Variants in PLPPR1 observed in about 807,000 individuals in gnomAD.
PLPPR1 encodes phospholipid phosphatase related 1.
PLPPR1 carries 10 observed loss-of-function variants against 33.1 expected under a neutral mutation model. The observed-to-expected ratio is 0.30, with a 90% CI of 0.19 to 0.51. The LOEUF is 0.51. Ranked by LOEUF, PLPPR1 falls within the 20% of genes least tolerant of loss-of-function variation. PLPPR1 has a pLI of 0.97. For synonymous variants in PLPPR1, 151 were observed against 151.0 expected (o/e 1.00, Z 0.00); for missense variants, 304 against 408.1 (o/e 0.74, Z 2.20).
intron 2 of PLPPR1, among the ~76,000 whole-genome samples, chr9:101,206,637 C>T (rs1365110269): frequency 1.3e-5 from 2 of 152,174 alleles, no homozygotes; most frequent in African/African-American, 4.8e-5. Flanking sequence ...AGCAGAGTCT[C>T]TTCTTGAAAA....
intron 2 of PLPPR1, among the ~76,000 whole-genome samples, chr9:101,264,585 G>A (rs758284705): frequency 1.3e-5 from 2 of 152,184 alleles, no homozygotes; most frequent in Non-Finnish European, 2.9e-5. Context: ...AATTACATGG[G>A]GTTGGAGAGC....
chr9:101,298,349 G>T (rs1252083372), intron 4 of PLPPR1, among the ~76,000 whole-genome samples: 1 of 152,160 alleles, frequency 6.6e-6, no homozygotes, highest in African/African-American at 2.4e-5. Flanking sequence ...AGACTAAAAA[G>T]TGCCATGGTA....
At chr9:101,294,179 T>C (rs1176004802) in intron 4 of PLPPR1, among the ~76,000 whole-genome samples, 12 of 151,996 alleles carry the variant, frequency 7.9e-5, no homozygotes, top group African/African-American at 2.7e-4. Context: ...AACACCTCTA[T>C]GCAAATAAAC....
intron 2 of PLPPR1, 127 bp downstream of exon 2, chr9:101,185,684 G>A: frequency 1.0e-5 from 6 of 590,704 alleles, no homozygotes; most frequent in Non-Finnish European, 1.2e-5. Context: ...CACAAATATT[G>A]GTAAAGATTA....
chr9:101,241,308 C>G (rs1233796297), intron 2 of PLPPR1, among the ~76,000 whole-genome samples: 1 of 151,980 alleles, frequency 6.6e-6, no homozygotes, highest in East Asian at 1.9e-4. Context: ...CTCAGTTGTA[C>G]AGAAATGGCT....
At chr9:101,087,326 G>A (rs560823113) in intron 1 of PLPPR1, among the ~76,000 whole-genome samples, 2 of 152,092 alleles carry the variant, frequency 1.3e-5, no homozygotes, top group Admixed American at 6.5e-5. Context: ...AATTGAATAT[G>A]TACTTTAATG....
At position 101,043,010 on chromosome 9, in the gene PLPPR1, G is replaced by A. The variant is rs547571188; in HGVS notation, c.-46+13908G>A. On this transcript the variant is annotated intron_variant, in intron 1 of 7. Transcript: ENST00000374874. ...TGATGACTTTGGTTTGCCCATCACC[G>A]GAGCAGTTACACAGAACCCAATTGG... Among the ~76,000 whole-genome samples the A allele has an allele frequency of 1.4e-4, 22 of 152,090 alleles. 1 individual carries two copies. Among genetic ancestry groups the A allele is most frequent in the Middle Eastern group, 3.4e-3 (1 of 294 alleles).
At chr9:101,301,522 A>G (rs1828751988) in intron 4 of PLPPR1, among the ~76,000 whole-genome samples, 2 of 152,216 alleles carry the variant, frequency 1.3e-5, no homozygotes, top group Non-Finnish European at 2.9e-5. Flanking sequence ...CTTTAATAAA[A>G]TCTTTTCTTA....
chr9:101,250,441 A>G (rs182546587), intron 2 of PLPPR1, among the ~76,000 whole-genome samples: 2 of 152,194 alleles, frequency 1.3e-5, no homozygotes, highest in Admixed American at 1.3e-4. Flanking sequence ...AGTTGTCTGA[A>G]TAGTACCTTC....
intron 6 of PLPPR1, 76 bp from the exon 7 acceptor site, chr9:101,317,289 G>C: frequency 1.3e-6 from 2 of 1,487,264 alleles, no homozygotes; most frequent in East Asian, 2.3e-5. Context: ...CAAGGGGAAA[G>C]GCCTGCCACC....
intron 1 of PLPPR1, among the ~76,000 whole-genome samples, chr9:101,078,965 C>T (rs1406600106): frequency 1.3e-5 from 2 of 152,104 alleles, no homozygotes; most frequent in African/African-American, 4.8e-5. Context: ...GGGTCTTACC[C>T]TTTCATGTAT....
At chr9:101,097,646 A>T (rs1439353967) in intron 1 of PLPPR1, among the ~76,000 whole-genome samples, 1 of 152,164 alleles carries the variant, frequency 6.6e-6, no homozygotes, top group Admixed American at 6.5e-5. Context: ...CATACAAATA[A>T]TTACCATACA....
intron 4 of PLPPR1, among the ~76,000 whole-genome samples, chr9:101,303,236 T>C (rs112000786): frequency 0.17 from 25,865 of 151,972 alleles, 3,039 homozygotes; most frequent in African/African-American, 0.33. Context: ...CACCCACCTC[T>C]GCCTCCCAAA....
intron 2 of PLPPR1, among the ~76,000 whole-genome samples, chr9:101,191,352 T>C (rs12346223): frequency 0.14 from 20,613 of 152,104 alleles, 1,591 homozygotes; most frequent in East Asian, 0.28. Context: ...TAAACATACC[T>C]CAAAAATTAA....
At chr9:101,298,943 C>T (rs1181723746) in intron 4 of PLPPR1, among the ~76,000 whole-genome samples, 1 of 152,098 alleles carries the variant, frequency 6.6e-6, no homozygotes, top group East Asian at 1.9e-4. Context: ...CAGGACAGAG[C>T]AATCAAGACA....
chr9:101,286,163 T>G lies in PLPPR1; in HGVS notation c.312T>G (p.Ala104=), dbSNP rs746122164. The G allele has an allele frequency of 3.6e-5, 58 of 1,613,296 alleles. No individual in the cohort carries two copies. The highest frequency in any genetic ancestry group is 4.7e-5 in the Non-Finnish European group (56 of 1,179,388). The change falls in exon 4 of 8, where the codon GCT becomes GCG. Residue 104 remains alanine, a synonymous_variant. Coordinates refer to ENST00000374874, the MANE Select transcript of PLPPR1 (RefSeq NM_207299.2). ...FIKSTRESLI[A]QEKTILTGEC... ...AATCAACAAGAGAATCCCTGATTGC[T>G]CAGGAGAAAACAATTCTGACCGGAG...
At chr9:101,257,028 T>C (rs771804264) in intron 2 of PLPPR1, among the ~76,000 whole-genome samples, 5 of 152,096 alleles carry the variant, frequency 3.3e-5, no homozygotes, top group Admixed American at 6.6e-5. Context: ...ATTGATAATT[T>C]AGTGCGCCAT....
intron 1 of PLPPR1, among the ~76,000 whole-genome samples, chr9:101,129,788 G>A (rs541232701): frequency 6.6e-6 from 1 of 152,070 alleles, no homozygotes; most frequent in Non-Finnish European, 1.5e-5. Context: ...GCGAGATCAC[G>A]CCACTGCACT....
At chr9:101,191,316 T>C (rs1360889408) in intron 2 of PLPPR1, among the ~76,000 whole-genome samples, 1 of 152,172 alleles carries the variant, frequency 6.6e-6, no homozygotes, top group South Asian at 2.1e-4. Context: ...ACTCATAACA[T>C]TACTTTTTGT....
Sources: gnomAD v4.1 joint callset for allele counts (sites outside exome capture counted in the v4.1 genomes callset) on GRCh38, gnomAD v4.1.1 for gene constraint, MANE v1.5 for transcripts, NCBI Gene and HGNC (gene_info 2026-07-23, HGNC 2026-07-21) for gene names.